RAPGEF2: variants seen among roughly 807,000 people sequenced by gnomAD.
The protein encoded by RAPGEF2 is Rap guanine nucleotide exchange factor 2, also known as PDZ domain containing guanine nucleotide exchange factor (GEF) 1.
In RAPGEF2, 54 loss-of-function variants were observed where a neutral mutation model predicts 186.7. The observed-to-expected ratio is 0.29, with a 90% CI of 0.23 to 0.36. RAPGEF2 has a LOEUF of 0.36. RAPGEF2 is among the 10% of genes least tolerant of loss of function. The pLI is 1.00. For synonymous variants in RAPGEF2, 712 were observed against 705.9 expected, an observed-to-expected ratio of 1.01 and a Z score of -0.14; for missense variants, 1,532 against 2,045.0, an observed-to-expected ratio of 0.75 and a Z score of 4.84.
intron 9 of RAPGEF2, among the ~76,000 whole-genome samples, chr4:159,320,012 C>A (rs1446457339): frequency 6.6e-6 from 1 of 152,146 alleles, no homozygotes; most frequent in Non-Finnish European, 1.5e-5. Context: ...ACATTTCTGA[C>A]AATTTCTGGC....
intron 28 of RAPGEF2, among the ~76,000 whole-genome samples, chr4:159,354,891 G>A (rs1194605011): frequency 6.6e-6 from 1 of 152,192 alleles, no homozygotes; most frequent in Non-Finnish European, 1.5e-5. Context: ...CTATATAGAC[G>A]AAGTGTAGGA....
intron 6 of RAPGEF2, among the ~76,000 whole-genome samples, chr4:159,242,146 C>T (rs1199158943): frequency 6.6e-6 from 1 of 151,416 alleles, no homozygotes; most frequent in South Asian, 2.1e-4. Context: ...CACTTTAAAG[C>T]CTTTTTTTTC....
intron 1 of RAPGEF2, among the ~76,000 whole-genome samples, chr4:159,164,164 C>A (rs1745031848): frequency 6.6e-6 from 1 of 152,124 alleles, no homozygotes; most frequent in Non-Finnish European, 1.5e-5. Flanking sequence ...ACCACCACAC[C>A]CAGCTAATTT....
intron 12 of RAPGEF2, 133 bp downstream of exon 12, chr4:159,330,143 G>A: frequency 2.1e-6 from 2 of 942,682 alleles, no homozygotes; most frequent in Non-Finnish European, 3.1e-6. Flanking sequence ...CTTTATGTAT[G>A]ATCTCCTAGT....
At chr4:159,285,957 A>G (rs1349499454) in intron 7 of RAPGEF2, among the ~76,000 whole-genome samples, 1 of 152,042 alleles carries the variant, frequency 6.6e-6, no homozygotes. Context: ...TGCCCACTGG[A>G]TATTTTGATG....
rs1228873839 is a variant in RAPGEF2 at position 159,332,476 on chromosome 4, G to A, written c.1914G>A (p.Leu638=). Residue 638 remains leucine (L), a synonymous_variant, in exon 17 of 30, where the codon TTG becomes TTA. Transcript: ENST00000691494. ...LFVFKELLTR[L]SEEKRNGAPH... ...TATTTAAAGAACTTCTAACAAGATTGTCAGAAGAGAAAAGAAATGGTGCCC... is the reference window on the plus strand; with the variant it reads ...TATTTAAAGAACTTCTAACAAGATTATCAGAAGAGAAAAGAAATGGTGCCC... 6.2e-7 allele frequency: 1 copy of A among 1,613,326 alleles called. No homozygotes were observed. Among genetic ancestry groups the A allele is most frequent in the Admixed American group, 1.7e-5 (1 of 59,962 alleles).
In RAPGEF2 at chr4:159,243,667, CT is replaced by C. The variant is rs148367491; in HGVS notation, c.526-105del. The C allele has an allele frequency of 5.0e-3, 3,714 of 744,478 alleles. 133 individuals are homozygous for C. The African/African-American group carries it at 0.061, about 12-fold the overall frequency. The allele number at this position is 744,478 out of a possible 1,614,324, so 46.1% of individuals were successfully genotyped here. A position where few individuals can be genotyped will look rare whatever the true frequency, so the allele number is the denominator to read the frequency against. ...GCTGATTCTATATGATCATTCTTAACTTAATTTTAACATTATCTTCATTTTG... is the reference window on the plus strand; with the variant it reads ...GCTGATTCTATATGATCATTCTTAACTAATTTTAACATTATCTTCATTTTG... On this transcript the variant is annotated intron_variant, in intron 6 of 29. Coordinates refer to ENST00000691494, the MANE Select transcript of RAPGEF2 (RefSeq NM_001394067.2).
chr4:159,282,635 A>T (rs113443358), intron 7 of RAPGEF2: 1 of 450,134 alleles, frequency 2.2e-6, no homozygotes, highest in Non-Finnish European at 4.4e-6. Context: ...AAGAGACTAC[A>T]TCATGGTATG....
intron 1 of RAPGEF2, among the ~76,000 whole-genome samples, chr4:159,145,249 A>G (rs1281254108): frequency 2.6e-5 from 4 of 152,136 alleles, no homozygotes; most frequent in African/African-American, 9.7e-5. Context: ...AGTTTGCCTA[A>G]TACAGTTGTC....
chr4:159,120,794 A>T (rs1446485094), intron 1 of RAPGEF2, among the ~76,000 whole-genome samples: 2 of 152,052 alleles, frequency 1.3e-5, no homozygotes, highest in Admixed American at 1.3e-4. Context: ...TATCAGTCCC[A>T]CTAAGCTAAG....
intron 1 of RAPGEF2, among the ~76,000 whole-genome samples, chr4:159,142,312 C>T (rs1320144877): frequency 6.6e-6 from 1 of 152,052 alleles, no homozygotes; most frequent in Non-Finnish European, 1.5e-5. Context: ...TGTTAAACCT[C>T]GGTTGATTTC....
intron 1 of RAPGEF2, among the ~76,000 whole-genome samples, chr4:159,142,053 C>T (rs577295625): frequency 5.9e-5 from 9 of 152,110 alleles, no homozygotes; most frequent in South Asian, 2.1e-4. Flanking sequence ...GTCTTTTCTA[C>T]GTTGTGTACA....
chr4:159,161,665 TCACGCCACTG>T (rs1248993135), intron 1 of RAPGEF2, among the ~76,000 whole-genome samples: 1 of 152,142 alleles, frequency 6.6e-6, no homozygotes, highest in Non-Finnish European at 1.5e-5. Context: ...TGAGCCATGA[TCACGCCACTG>T]CACTCCAGCC....
chr4:159,108,527 G>A (rs559389992), intron 1 of RAPGEF2, among the ~76,000 whole-genome samples: 3 of 151,850 alleles, frequency 2.0e-5, no homozygotes, highest in Non-Finnish European at 2.9e-5. Flanking sequence ...GAAGGATGCA[G>A]TGTTATTCTA....
rs745411266 is a variant in RAPGEF2 at position 159,351,166 on chromosome 4, C to G, written c.3865+877C>G. 6.5e-6 allele frequency: 10 copies of G among 1,534,726 alleles called. No individual in the cohort carries two copies. In the East Asian group the frequency reaches 1.5e-4, roughly 23 times the overall value. On this transcript the variant is annotated intron_variant, in intron 26 of 29. Transcript: ENST00000691494. ...CAGTAACAAGAATAACAATGCACCA[C>G]GGACCTATGGGATAGGTGGGGTTTA...
At chr4:159,188,838 A>G (rs576530505) in intron 2 of RAPGEF2, among the ~76,000 whole-genome samples, 60 of 152,246 alleles carry the variant, frequency 3.9e-4, no homozygotes, top group African/African-American at 1.3e-3. Flanking sequence ...TAGAATGTCT[A>G]TTTTGGAGCC....
rs1405280400 is a variant in RAPGEF2 at position 159,268,186 on chromosome 4, G to A, written c.543+24395G>A. 3 of 1,610,996 alleles carry A rather than the reference G, an allele frequency of 1.9e-6. No homozygotes were observed. In the East Asian group the frequency reaches 6.7e-5, roughly 36 times the overall value. ...ACCACTAGCAATCCCAGCTAACCATGGAGTTATGGGCCAGCAGGAGAAACA... is the reference window on the plus strand; with the variant it reads ...ACCACTAGCAATCCCAGCTAACCATAGAGTTATGGGCCAGCAGGAGAAACA... On this transcript the variant is annotated intron_variant, in intron 7 of 29. Coordinates refer to ENST00000691494, the MANE Select transcript of RAPGEF2 (RefSeq NM_001394067.2).
At chr4:159,191,270 A>G (rs910210305) in intron 2 of RAPGEF2, among the ~76,000 whole-genome samples, 7 of 152,226 alleles carry the variant, frequency 4.6e-5, no homozygotes, top group Non-Finnish European at 8.8e-5. Context: ...CTGAAAGGAA[A>G]TAATGCTGTG....
At chr4:159,292,491 G>A (rs1761368424) in intron 7 of RAPGEF2, among the ~76,000 whole-genome samples, 1 of 151,796 alleles carries the variant, frequency 6.6e-6, no homozygotes, top group African/African-American at 2.4e-5. Context: ...TTATTTTTTT[G>A]ATGGGCTTCC....
Sources: allele counts gnomAD v4.1 joint callset (sites outside exome capture counted in the v4.1 genomes callset), GRCh38; gene constraint gnomAD v4.1.1; transcripts MANE v1.5; gene names NCBI Gene and HGNC (gene_info 2026-07-23, HGNC 2026-07-21).